The following CYP2C18 variants were observed in gnomAD, a reference collection of about 807,000 sequenced individuals.
The protein encoded by CYP2C18 is cytochrome P450 family 2 subfamily C member 18.
A neutral mutation model predicts 41.3 loss-of-function variants in CYP2C18; 38 were observed. The ratio of observed to expected loss-of-function variants is 0.92; its 90% CI spans 0.71 to 1.21. CYP2C18 has a LOEUF of 1.21. CYP2C18 is among the 50% of genes most tolerant of loss of function. The pLI, the probability that CYP2C18 is intolerant of heterozygous loss-of-function variation, is 0.00. For synonymous variants in CYP2C18, 236 were observed against 210.0 expected, an observed-to-expected ratio of 1.12 and a Z score of -1.07; for missense variants, 635 against 591.4, an observed-to-expected ratio of 1.07 and a Z score of -0.77.
Position 94,688,287 on chromosome 10 carries a change from T to A in CYP2C18, c.481+13T>A. 6.3e-7 allele frequency: 1 copy of A among 1,581,876 alleles called. No homozygotes were observed. The highest frequency in any genetic ancestry group is 8.5e-7 in the Non-Finnish European group (1 of 1,170,868). On this transcript the variant is annotated intron_variant, in intron 3 of 8. Coordinates refer to ENST00000285979, the MANE Select transcript of CYP2C18 (RefSeq NM_000772.3). ...AGAAAAACCAATGGTGGGTGACTTT[T>A]TTTTTTCCTGAAAAATGTTTTCTAA...
At chr10:94,713,512 C>G (rs991891070) in intron 5 of CYP2C18, among the ~76,000 whole-genome samples, 1 of 152,208 alleles carries the variant, frequency 6.6e-6, no homozygotes, top group African/African-American at 2.4e-5. Context: ...GATACGAACT[C>G]ATCCTTTTTT....
At chr10:94,728,569 CT>C in intron 7 of CYP2C18, 1 of 852,282 alleles carries the variant, frequency 1.2e-6, no homozygotes, top group Non-Finnish European at 1.4e-6. Context: ...GGATTCATCT[CT>C]GATGAAGAGT....
chr10:94,722,518 C>A (rs1589805000), intron 6 of CYP2C18, among the ~76,000 whole-genome samples: 1 of 152,116 alleles, frequency 6.6e-6, no homozygotes. Context: ...AGGATGATAA[C>A]CAATTTGGCA....
At chr10:94,726,201 AT>A (rs5787120) in intron 7 of CYP2C18, among the ~76,000 whole-genome samples, 41,357 of 150,424 alleles carry the variant, frequency 0.27, 6,122 homozygotes, top group South Asian at 0.46. Flanking sequence ...TTTTTTTTCA[AT>A]TTTTTTTTTA....
intron 4 of CYP2C18, among the ~76,000 whole-genome samples, chr10:94,695,889 C>T (rs1178759412): frequency 6.6e-6 from 1 of 152,134 alleles, no homozygotes; most frequent in Non-Finnish European, 1.5e-5. Context: ...TCATTGATAG[C>T]ACAGCAGTCT....
chr10:94,734,057 A>G (rs1356939491), intron 8 of CYP2C18, among the ~76,000 whole-genome samples: 1 of 152,102 alleles, frequency 6.6e-6, no homozygotes, highest in African/African-American at 2.4e-5. Flanking sequence ...GCCTCATTGC[A>G]GCAGGAAACA....
chr10:94,707,023 A>G, intron 5 of CYP2C18, 63 bp downstream of exon 5: 1 of 1,443,670 alleles, frequency 6.9e-7, no homozygotes, highest in Middle Eastern at 1.8e-4. Flanking sequence ...ACGATTGCTT[A>G]AATAGTGAGG....
At chr10:94,733,862 A>G (rs748130115) in intron 8 of CYP2C18, among the ~76,000 whole-genome samples, 1 of 152,014 alleles carries the variant, frequency 6.6e-6, no homozygotes, top group Non-Finnish European at 1.5e-5. Context: ...AGAGCAGAGA[A>G]TGGGCTCTTA....
At chr10:94,718,986 A>G (rs890574278) in intron 5 of CYP2C18, among the ~76,000 whole-genome samples, 2 of 151,994 alleles carry the variant, frequency 1.3e-5, no homozygotes, top group African/African-American at 4.8e-5. Flanking sequence ...TTCCCAGTCT[A>G]TGTGGATATT....
chr10:94,727,097 A>G (rs901522274), intron 7 of CYP2C18, among the ~76,000 whole-genome samples: 5 of 152,260 alleles, frequency 3.3e-5, no homozygotes, highest in African/African-American at 1.2e-4. Context: ...ACAAATAGCC[A>G]TGGATCATTC....
rs1741544549 is a variant in CYP2C18, at chr10:94,735,668, A to G, written c.*224A>G. On this transcript the variant is annotated 3_prime_UTR_variant, in exon 9 of 9. Coordinates refer to ENST00000285979, the MANE Select transcript of CYP2C18 (RefSeq NM_000772.3). ...ATTCTCCATACTCTGTATCACTTGT[A>G]TTGACCACCACATATGCTAATACCT... is the stretch of plus-strand genomic sequence containing the variant. 1.6e-5 allele frequency: 9 copies of G among 565,506 alleles called. No individual in the cohort carries two copies. In the South Asian group the frequency reaches 1.6e-4, roughly 10 times the overall value. 35.0% of individuals were successfully genotyped at this position (565,506 alleles called of 1,614,324 possible).
intron 7 of CYP2C18, chr10:94,728,664 A>G (rs1847782229): frequency 2.0e-5 from 18 of 896,742 alleles, no homozygotes; most frequent in Non-Finnish European, 2.4e-5. Context: ...TGTTGATATC[A>G]TCTCAGAAGT....
chr10:94,710,162 C>T (rs1847411455), intron 5 of CYP2C18, among the ~76,000 whole-genome samples: 2 of 152,068 alleles, frequency 1.3e-5, no homozygotes, highest in Admixed American at 6.6e-5. Context: ...GCAGAGACAG[C>T]CTTTCGCTAT....
intron 7 of CYP2C18, among the ~76,000 whole-genome samples, chr10:94,728,224 A>T (rs530948958): frequency 6.6e-5 from 10 of 152,112 alleles, no homozygotes; most frequent in Non-Finnish European, 1.0e-4. Context: ...GTTTTGTTAG[A>T]ATTTTTTTTT....
intron 4 of CYP2C18, among the ~76,000 whole-genome samples, chr10:94,700,000 A>G (rs1393689695): frequency 6.6e-6 from 1 of 152,198 alleles, no homozygotes; most frequent in South Asian, 2.1e-4. Flanking sequence ...ATGGAGGAAC[A>G]TTTCTTGCTC....
intron 4 of CYP2C18, among the ~76,000 whole-genome samples, chr10:94,704,285 A>T (rs1847297817): frequency 6.7e-6 from 1 of 150,362 alleles, no homozygotes; most frequent in South Asian, 2.1e-4. Flanking sequence ...TGGAAATCAG[A>T]GTCTTTCCTC....
intron 7 of CYP2C18, chr10:94,728,508 C>G (rs1048660934): frequency 3.5e-6 from 1 of 288,402 alleles, no homozygotes; most frequent in African/African-American, 2.3e-5. Flanking sequence ...TGAATGGCTG[C>G]AAAAATGATG....
At position 94,735,417 on chromosome 10, in the gene CYP2C18, G is replaced by A. The variant is rs760471991; in HGVS notation, c.1446G>A (p.Leu482=). Residue 482 remains leucine (L), a synonymous_variant, in exon 9 of 9, where the codon TTG becomes TTA. Transcript: ENST00000285979. ...IANAFGRVPP[L]YQLCFIPV ...ATGCATTTGGTCGTGTGCCACCCTTGTACCAGCTCTGCTTCATTCCTGTCT... is the reference window on the plus strand; with the variant it reads ...ATGCATTTGGTCGTGTGCCACCCTTATACCAGCTCTGCTTCATTCCTGTCT... 1 of 1,613,604 alleles carries A rather than the reference G, an allele frequency of 6.2e-7. No individual in the cohort carries two copies. The highest frequency in any genetic ancestry group is 8.5e-7 in the Non-Finnish European group (1 of 1,179,642).
At chr10:94,728,586 C>T (rs1219286397) in intron 7 of CYP2C18, 6 of 950,106 alleles carry the variant, frequency 6.3e-6, no homozygotes, top group Non-Finnish European at 7.5e-6. Flanking sequence ...AGAGTTCCCC[C>T]ACGTGTTTTA....
Sources: gnomAD v4.1 joint callset for allele counts (sites outside exome capture counted in the v4.1 genomes callset) on GRCh38, gnomAD v4.1.1 for gene constraint, MANE v1.5 for transcripts, NCBI Gene and HGNC (gene_info 2026-07-23, HGNC 2026-07-21) for gene names.